ACACB: variants seen among roughly 807,000 people sequenced by gnomAD.
ACACB encodes acetyl-CoA carboxylase 2.
A neutral mutation model predicts 278.8 loss-of-function variants in ACACB; 209 were observed. That is an observed-to-expected ratio of 0.75 (90% CI 0.67 to 0.84). The LOEUF (loss-of-function observed/expected upper bound fraction) is 0.84, where lower values mean the gene tolerates loss of function less well. ACACB is among the 40% of genes least tolerant of loss of function. The probability of loss-of-function intolerance (pLI) is 0.00; values close to 1 mark genes in which losing one functional copy is unlikely to be tolerated. For missense variants in ACACB, 2,850 were observed against 3,269.0 expected (o/e 0.87, Z 3.13); for synonymous variants, 1,174 against 1,285.6 (o/e 0.91, Z 1.86).
rs781472343 is a variant in ACACB, at chr12:109,139,641, AC to A, written c.237del (p.His79GlnfsTer83). The stretch of plus-strand genomic sequence containing the variant: ...CCCAGCCAGGCCGAGCCAGCCTCCC[AC>A]AAAGGCCCCAAAGATGCCGGTCGGC... ...KTPSQAEPAS[H>X]KGPKDAGRRR... is the part of the protein sequence containing the mutation. On this transcript the variant is annotated frameshift_variant, in exon 2 of 53. Transcript: ENST00000338432. LOFTEE classifies it high-confidence loss of function. The A allele has an allele frequency of 8.7e-6, 14 of 1,613,960 alleles. No individual in the cohort carries two copies. The highest frequency in any genetic ancestry group is 1.1e-5 in the Non-Finnish European group (13 of 1,179,986).
intron 28 of ACACB, among the ~76,000 whole-genome samples, chr12:109,228,119 C>G (rs1479984174): frequency 6.7e-6 from 1 of 148,476 alleles, no homozygotes; most frequent in East Asian, 2.0e-4. Context: ...GGGTGGATCA[C>G]AAGGTCAGGG....
chr12:109,264,986 A>G, intron 50 of ACACB, 124 bp from the exon 51 acceptor site: 1 of 1,107,926 alleles, frequency 9.0e-7, no homozygotes, highest in East Asian at 2.4e-5. Context: ...CTTGCCTGGG[A>G]TGATCTGGGA....
chr12:109,181,185 T>C (rs2044453354), intron 11 of ACACB, among the ~76,000 whole-genome samples: 1 of 151,894 alleles, frequency 6.6e-6, no homozygotes, highest in Admixed American at 6.6e-5. Context: ...TGAATAGTAC[T>C]CCATTGTGTG....
At chr12:109,157,406 G>T (rs969814341) in intron 2 of ACACB, among the ~76,000 whole-genome samples, 1 of 151,746 alleles carries the variant, frequency 6.6e-6, no homozygotes, top group East Asian at 1.9e-4. Context: ...CCAAGTAGTG[G>T]GACCACAGGC....
At chr12:109,249,803 C>T in intron 40 of ACACB, 181 bp from the exon 41 acceptor site, 2 of 632,114 alleles carry the variant, frequency 3.2e-6, no homozygotes, top group Non-Finnish European at 5.1e-6. Context: ...TGCACTTGCC[C>T]TTTTAGAAAT....
At chr12:109,152,640 CTTTTTTTTTTTT>C (rs34863094) in intron 2 of ACACB, among the ~76,000 whole-genome samples, 1 of 74,840 alleles carries the variant, frequency 1.3e-5, no homozygotes, top group African/African-American at 4.8e-5. Context: ...TTCTTTCTTT[CTTTTTTTTTTTT>C]TTTTTTTTTT....
At chr12:109,247,937 G>A (rs1225281277) in intron 40 of ACACB, among the ~76,000 whole-genome samples, 2 of 152,214 alleles carry the variant, frequency 1.3e-5, no homozygotes, top group Non-Finnish European at 2.9e-5. Context: ...CGTCATGTAG[G>A]GAGAATGAGA....
intron 1 of ACACB, among the ~76,000 whole-genome samples, chr12:109,132,461 G>A (rs922789863): frequency 1.3e-5 from 2 of 152,138 alleles, no homozygotes; most frequent in Non-Finnish European, 2.9e-5. Context: ...CATCACGCCC[G>A]GTCCCATGGA....
chr12:109,144,520 G>A (rs1434979051), intron 2 of ACACB, among the ~76,000 whole-genome samples: 1 of 152,024 alleles, frequency 6.6e-6, no homozygotes, highest in Non-Finnish European at 1.5e-5. Flanking sequence ...TGTAGGCCAT[G>A]GAAGGTGGTG....
chr12:109,216,544 T>TA lies in ACACB; in HGVS notation c.3351-65dup, dbSNP rs368156113. 1,161 of 1,423,882 alleles carry TA rather than the reference T, an allele frequency of 8.2e-4. 1 individual carries two copies. The highest frequency in any genetic ancestry group is 1.6e-3 in the East Asian group (66 of 41,066). 88.2% of individuals were successfully genotyped at this position (1,423,882 alleles called of 1,614,324 possible). A position where few individuals can be genotyped will look rare whatever the true frequency, so the allele number is the denominator to read the frequency against. ...CAATCCTTTCTCTTTTTAAAAATCA[T>TA]AAAAAAAAATACTAAATATTCAGGT... On this transcript the variant is annotated intron_variant, in intron 22 of 52. Coordinates refer to ENST00000338432, the MANE Select transcript of ACACB (RefSeq NM_001093.4).
chr12:109,115,900 G>A (rs2042394304), upstream of ACACB, among the ~76,000 whole-genome samples: 1 of 152,230 alleles, frequency 6.6e-6, no homozygotes, highest in Admixed American at 6.5e-5. Flanking sequence ...TGTTGCCTGA[G>A]CACAATGTGC....
intron 37 of ACACB, among the ~76,000 whole-genome samples, chr12:109,242,826 C>T (rs1270006406): frequency 1.3e-5 from 2 of 152,092 alleles, no homozygotes; most frequent in Non-Finnish European, 1.5e-5. Flanking sequence ...ATTAACCGGG[C>T]GTGGTGGCGC....
intron 2 of ACACB, among the ~76,000 whole-genome samples, chr12:109,142,394 G>C (rs1265161974): frequency 6.6e-6 from 1 of 152,096 alleles, no homozygotes; most frequent in Admixed American, 6.6e-5. Flanking sequence ...AGAGAATAAA[G>C]CATCCATATT....
intron 3 of ACACB, 142 bp downstream of exon 3, chr12:109,167,135 A>G (rs1016559441): frequency 4.8e-6 from 5 of 1,038,816 alleles, no homozygotes; most frequent in Non-Finnish European, 7.0e-6. Flanking sequence ...TCTGAGTTTT[A>G]ATAGTTTAAC....
chr12:109,229,560 C>T (rs1309611832), intron 28 of ACACB, among the ~76,000 whole-genome samples: 1 of 152,056 alleles, frequency 6.6e-6, no homozygotes, highest in Non-Finnish European at 1.5e-5. Context: ...GATGGAGTCT[C>T]ACTCTGTCAC....
chr12:109,250,221 C>T (rs2047057406), intron 41 of ACACB, 117 bp downstream of exon 41: 2 of 1,085,062 alleles, frequency 1.8e-6, no homozygotes, highest in Non-Finnish European at 2.5e-6. Context: ...ATACCTCCTA[C>T]AGTTACCACA....
intron 22 of ACACB, among the ~76,000 whole-genome samples, chr12:109,215,337 G>A: frequency 6.6e-6 from 1 of 151,944 alleles, no homozygotes; most frequent in East Asian, 1.9e-4. Context: ...TAAGGCTTGG[G>A]ATCTACCTAC....
chr12:109,249,874 T>G, intron 40 of ACACB, 110 bp from the exon 41 acceptor site: 1 of 1,406,456 alleles, frequency 7.1e-7, no homozygotes, highest in Non-Finnish European at 9.5e-7. Context: ...ATGCTTTGTC[T>G]GCTTCCAATC....
chr12:109,191,966 G>C lies in ACACB; in HGVS notation c.2399+16G>C. On this transcript the variant is annotated intron_variant, in intron 15 of 52. Transcript: ENST00000338432. ...CCCTGGAAAGGTAGGGGCTGTGGCA[G>C]TTCCCTTCTGCTTTTGTGATATGTG... The C allele has an allele frequency of 1.2e-6, 2 of 1,613,006 alleles. No homozygotes were observed. The highest frequency in any genetic ancestry group is 1.3e-5 in the African/African-American group (1 of 75,026).
Sources: gnomAD v4.1 joint callset for allele counts (sites outside exome capture counted in the v4.1 genomes callset) on GRCh38, gnomAD v4.1.1 for gene constraint, MANE v1.5 for transcripts, NCBI Gene and HGNC (gene_info 2026-07-23, HGNC 2026-07-21) for gene names.